Variants in CACNA1A observed in about 807,000 individuals in gnomAD.
The protein encoded by CACNA1A is calcium voltage-gated channel subunit alpha1 A, also known as voltage-dependent P/Q-type calcium channel subunit alpha-1A.
CACNA1A carries 57 observed loss-of-function variants against 262.4 expected under a neutral mutation model. That is an observed-to-expected ratio of 0.22 (90% CI 0.18 to 0.27). The LOEUF (loss-of-function observed/expected upper bound fraction) is 0.27. CACNA1A is among the 10% of genes least tolerant of loss of function. The pLI is 1.00. For synonymous variants in CACNA1A, 1,431 were observed against 1,419.3 expected (o/e 1.01, Z -0.18); for missense variants, 2,526 against 3,562.8 (o/e 0.71, Z 7.41).
chr19:13,462,224 CA>C (rs1036186194), intron 1 of CACNA1A, among the ~76,000 whole-genome samples: 1 of 152,170 alleles, frequency 6.6e-6, no homozygotes, highest in African/African-American at 2.4e-5. Context: ...GTGCGGAAAT[CA>C]AATCAGGTTT....
intron 45 of CACNA1A, 47 bp downstream of exon 45, chr19:13,209,265 T>C: frequency 7.0e-7 from 1 of 1,434,998 alleles, no homozygotes. Context: ...TCCTCCCCTC[T>C]CCTCTCCTCT....
At chr19:13,235,492 A>T in intron 32 of CACNA1A, 122 bp downstream of exon 32, 1 of 801,028 alleles carries the variant, frequency 1.2e-6, no homozygotes, top group Non-Finnish European at 2.1e-6. Context: ...AGCCTTGGAG[A>T]TAACAGATTC....
At chr19:13,420,694 T>C (rs1330214351) in intron 3 of CACNA1A, among the ~76,000 whole-genome samples, 3 of 152,168 alleles carry the variant, frequency 2.0e-5, no homozygotes, top group Admixed American at 6.5e-5. Flanking sequence ...TAAATTTCTG[T>C]TGTTTTAAGC....
At chr19:13,494,764 A>G (rs1981298829) in intron 1 of CACNA1A, among the ~76,000 whole-genome samples, 1 of 152,254 alleles carries the variant, frequency 6.6e-6, no homozygotes, top group African/African-American at 2.4e-5. Flanking sequence ...AGGAGAGGAG[A>G]GAGAGGAAAG....
rs1259224644 is a variant in CACNA1A at position 13,224,648 on chromosome 19, G to A, written c.5731+19C>T. ...CACCCTGTCACGCCTGTCTGTGCCC[G>A]CCCCTGTCCCTTCCTTACCCTTGGC... On this transcript the variant is annotated intron_variant, in intron 38 of 46. Transcript: ENST00000360228. 30 of 1,558,114 alleles carry A rather than the reference G, an allele frequency of 1.9e-5. No individual in the cohort carries two copies. Among genetic ancestry groups the A allele is most frequent in the East Asian group, 2.3e-5 (1 of 43,630 alleles).
chr19:13,281,629 T>A, intron 22 of CACNA1A, among the ~76,000 whole-genome samples: 1 of 150,854 alleles, frequency 6.6e-6, no homozygotes, highest in Non-Finnish European at 1.5e-5. Context: ...CAACCAAAAA[T>A]GTCTCCAGAC....
intron 4 of CACNA1A, among the ~76,000 whole-genome samples, chr19:13,369,788 G>A (rs545467744): frequency 2.0e-4 from 31 of 152,322 alleles, no homozygotes; most frequent in Admixed American, 1.7e-3. Flanking sequence ...ACAGGTGTGA[G>A]CCACTGCACC....
intron 3 of CACNA1A, among the ~76,000 whole-genome samples, chr19:13,424,164 C>T (rs1200565206): frequency 6.6e-6 from 1 of 152,138 alleles, no homozygotes; most frequent in Non-Finnish European, 1.5e-5. Context: ...GCCTGACCAA[C>T]TTGGAGAAAC....
At chr19:13,355,590 G>A (rs543007786) in intron 6 of CACNA1A, among the ~76,000 whole-genome samples, 34 of 152,190 alleles carry the variant, frequency 2.2e-4, no homozygotes, top group Non-Finnish European at 4.4e-4. Flanking sequence ...CAGGGAGGGA[G>A]CTGGGGTATT....
At chr19:13,423,353 T>C (rs2060347925) in intron 3 of CACNA1A, among the ~76,000 whole-genome samples, 1 of 152,154 alleles carries the variant, frequency 6.6e-6, no homozygotes, top group Admixed American at 6.5e-5. Flanking sequence ...CCTTAAATTC[T>C]GGCCAGGAAT....
At chr19:13,299,557 G>A (rs938784996) in intron 18 of CACNA1A, among the ~76,000 whole-genome samples, 3 of 152,070 alleles carry the variant, frequency 2.0e-5, no homozygotes, top group African/African-American at 7.2e-5. Flanking sequence ...ACCTGGCTAG[G>A]GGCAAAAGCC....
intron 1 of CACNA1A, among the ~76,000 whole-genome samples, chr19:13,457,694 A>C (rs941177014): frequency 1.3e-5 from 2 of 152,036 alleles, no homozygotes; most frequent in African/African-American, 4.8e-5. Context: ...CTACTAAAAA[A>C]AGTACAAAAT....
chr19:13,301,575 G>C (rs1373052545), intron 17 of CACNA1A, among the ~76,000 whole-genome samples: 1 of 152,240 alleles, frequency 6.6e-6, no homozygotes, highest in Admixed American at 6.5e-5. Context: ...AATGGGGGAA[G>C]AGGTTTTAAA....
intron 1 of CACNA1A, among the ~76,000 whole-genome samples, chr19:13,505,403 G>A (rs1337623592): frequency 1.3e-5 from 2 of 152,150 alleles, no homozygotes; most frequent in East Asian, 3.9e-4. Flanking sequence ...GAGCCCCCAA[G>A]CGCCCTGCCC....
Position 13,308,041 on chromosome 19 carries a change from CTG to C in CACNA1A, c.1913+77_1913+78del. Reference sequence around the variant, plus strand: ...GTGTCTGGGCTACGAGGAAGGCAGCCTGCACGGTGGAGGGGACTGTGTGTTCC... The same window carrying C: ...GTGTCTGGGCTACGAGGAAGGCAGCCCACGGTGGAGGGGACTGTGTGTTCC... On this transcript the variant is annotated intron_variant, in intron 14 of 46. Coordinates refer to ENST00000360228, the MANE Select transcript of CACNA1A (RefSeq NM_001127222.2). The surrounding 1 kb of genome is among the most constrained non-coding windows in gnomAD (Gnocchi z 4.2). The C allele has an allele frequency of 6.4e-7, 1 of 1,572,354 alleles. No individual in the cohort carries two copies. Among genetic ancestry groups the C allele is most frequent in the Non-Finnish European group, 8.7e-7 (1 of 1,152,212 alleles).
chr19:13,255,872 C>T (rs2056550846), intron 28 of CACNA1A, among the ~76,000 whole-genome samples: 1 of 142,868 alleles, frequency 7.0e-6, no homozygotes, highest in South Asian at 2.3e-4. Flanking sequence ...TTTCTCTCTT[C>T]TTCCTTCTTT....
chr19:13,332,191 A>G (rs576047459), intron 9 of CACNA1A, among the ~76,000 whole-genome samples: 2 of 152,270 alleles, frequency 1.3e-5, no homozygotes, highest in Admixed American at 1.3e-4. Context: ...ATTTGAGGCA[A>G]GGAGTTCAAG....
At chr19:13,346,826 C>A (rs2145193918) in intron 6 of CACNA1A, among the ~76,000 whole-genome samples, 1 of 147,436 alleles carries the variant, frequency 6.8e-6, no homozygotes, top group East Asian at 2.0e-4. Flanking sequence ...ACTACAGGCG[C>A]CTGCCACCAT....
At chr19:13,416,520 A>G (rs2060225402) in intron 3 of CACNA1A, among the ~76,000 whole-genome samples, 1 of 152,128 alleles carries the variant, frequency 6.6e-6, no homozygotes, top group Admixed American at 6.5e-5. Context: ...GTCTCTACTA[A>G]AACTACAAAA....
Sources: gnomAD v4.1 joint callset for allele counts (sites outside exome capture counted in the v4.1 genomes callset) on GRCh38, gnomAD v4.1.1 for gene constraint, Gnocchi (gnomAD v3.1) non-coding constraint, MANE v1.5 for transcripts, NCBI Gene and HGNC (gene_info 2026-07-23, HGNC 2026-07-21) for gene names.